Variants in MAGI1 observed in about 807,000 individuals in gnomAD.
MAGI1 encodes the protein membrane associated guanylate kinase, WW and PDZ domain containing 1, also known as membrane-associated guanylate kinase, WW and PDZ domain-containing protein 1.
A neutral mutation model predicts 139.9 loss-of-function variants in MAGI1; 58 were observed. The observed-to-expected ratio is 0.41, with a 90% confidence interval of 0.34 to 0.52. The LOEUF (loss-of-function observed/expected upper bound fraction) is 0.52. MAGI1 is among the 20% of genes least tolerant of loss of function. The pLI, the probability that MAGI1 is intolerant of heterozygous loss-of-function variation, is 0.12. For synonymous variants in MAGI1, 812 were observed against 737.9 expected (o/e 1.10, Z -1.63); for missense variants, 1,874 against 1,901.6 (o/e 0.99, Z 0.27).
chr3:65,470,509 G>GA, intron 4 of MAGI1, 25 bp from the exon 5 acceptor site: 2 of 1,371,840 alleles, frequency 1.5e-6, no homozygotes, highest in Admixed American at 2.3e-5. Context: ...GAAGAGGTGA[G>GA]AGAGAGAGAG....
intron 22 of MAGI1, chr3:65,359,347 G>A (rs568490726): frequency 6.6e-5 from 90 of 1,373,142 alleles, no homozygotes; most frequent in Admixed American, 6.4e-4. Flanking sequence ...TGCAGAGACC[G>A]CAATCGGAAC....
chr3:65,570,504 C>T (rs1191074549), intron 2 of MAGI1, among the ~76,000 whole-genome samples: 1 of 151,810 alleles, frequency 6.6e-6, no homozygotes, highest in East Asian at 1.9e-4. Flanking sequence ...AAAAGTTGCA[C>T]TAAAGTATAA....
intron 1 of MAGI1, among the ~76,000 whole-genome samples, chr3:65,842,646 C>T (rs975220999): frequency 1.3e-5 from 2 of 152,184 alleles, no homozygotes; most frequent in Admixed American, 1.3e-4. Flanking sequence ...CAAGCATGAG[C>T]CACTGCGCCC....
At chr3:65,597,802 C>A (rs533130177) in intron 2 of MAGI1, 1 of 456,614 alleles carries the variant, frequency 2.2e-6, no homozygotes, top group African/African-American at 2.0e-5. Context: ...GATCATGGAC[C>A]ACTTGTACTT....
At chr3:65,438,964 A>G (rs139632483) in intron 9 of MAGI1, among the ~76,000 whole-genome samples, 332 of 152,322 alleles carry the variant, frequency 2.2e-3, no homozygotes, top group Admixed American at 5.2e-3. Flanking sequence ...GCCAACCTGT[A>G]GTCTATGGTT....
At position 65,962,811 on chromosome 3, in the gene MAGI1, C is replaced by T. The variant is rs1252257036; in HGVS notation, c.313+75185G>A. On this transcript the variant is annotated intron_variant, in intron 1 of 22. Coordinates refer to ENST00000402939, the MANE Select transcript of MAGI1 (RefSeq NM_001033057.2). The stretch of plus-strand genomic sequence containing the variant: ...CTGTATTCCAGCCTGGGCAACAGAG[C>T]GAGACTCTGTCTCGGGGGGAAAAAA... Among the ~76,000 whole-genome samples the T allele has an allele frequency of 5.1e-5, 6 of 118,632 alleles. No homozygotes were observed. The East Asian group carries it at 1.2e-3, about 24-fold the overall frequency. 77.8% of individuals were successfully genotyped at this position (118,632 alleles called of 152,430 possible).
intron 1 of MAGI1, among the ~76,000 whole-genome samples, chr3:65,648,164 T>C (rs879006447): frequency 6.6e-6 from 1 of 152,154 alleles, no homozygotes. Context: ...TTTTTTTTTT[T>C]TCTTTTTTGA....
At chr3:65,477,711 A>ATTATTATTT (rs376492339) in intron 4 of MAGI1, among the ~76,000 whole-genome samples, 2,623 of 141,494 alleles carry the variant, frequency 0.019, 33 homozygotes, top group Non-Finnish European at 0.026. Context: ...TATTATTATT[A>ATTATTATTT]TTTTTTTTTT....
intron 2 of MAGI1, among the ~76,000 whole-genome samples, chr3:65,551,646 G>A (rs1022440467): frequency 2.6e-5 from 4 of 152,206 alleles, no homozygotes; most frequent in Non-Finnish European, 4.4e-5. Flanking sequence ...TTATAGCAGT[G>A]TGAAAATGGA....
At chr3:65,401,368 A>ACCCGG in intron 13 of MAGI1, 71 bp downstream of exon 13, 2 of 1,323,564 alleles carry the variant, frequency 1.5e-6, no homozygotes, top group Non-Finnish European at 1.1e-6. Context: ...CACACAGAGT[A>ACCCGG]CCCTCCCACC....
chr3:65,871,240 T>C (rs764867744), intron 1 of MAGI1, among the ~76,000 whole-genome samples: 2 of 152,118 alleles, frequency 1.3e-5, no homozygotes, highest in East Asian at 1.9e-4. Flanking sequence ...CCCAGCCTAA[T>C]AGTTATATTT....
At position 65,769,161 on chromosome 3, in the gene MAGI1, T is replaced by C. The variant is rs529333268; in HGVS notation, c.314-147073A>G. Among the ~76,000 whole-genome samples, 4 of 152,348 alleles carry C rather than the reference T, an allele frequency of 2.6e-5. No individual in the cohort carries two copies. The South Asian group carries it at 8.3e-4, about 32-fold the overall frequency. ...GAAAATATTCTTTAAAAGTTGTCGA[T>C]CTGTTTTTTTCTGATGACAAAAATA... On this transcript the variant is annotated intron_variant, in intron 1 of 22. Transcript: ENST00000402939.
intron 2 of MAGI1, among the ~76,000 whole-genome samples, chr3:65,552,568 T>C (rs1404869772): frequency 2.0e-5 from 3 of 152,108 alleles, no homozygotes; most frequent in African/African-American, 7.2e-5. Flanking sequence ...CTCAAGACTA[T>C]GGGTAAATGC....
At chr3:65,433,685 A>T (rs1321724717) in intron 10 of MAGI1, among the ~76,000 whole-genome samples, 3 of 151,900 alleles carry the variant, frequency 2.0e-5, no homozygotes, top group African/African-American at 4.8e-5. Flanking sequence ...TTTAAAATGT[A>T]CTCATTTTCA....
intron 1 of MAGI1, among the ~76,000 whole-genome samples, chr3:65,983,962 T>C (rs2065733800): frequency 1.3e-5 from 2 of 152,194 alleles, no homozygotes; most frequent in African/African-American, 4.8e-5. Flanking sequence ...CATGTTGTCA[T>C]ATTTTACTCA....
chr3:65,731,071 C>G (rs2034140198), intron 1 of MAGI1, among the ~76,000 whole-genome samples: 1 of 152,162 alleles, frequency 6.6e-6, no homozygotes, highest in Admixed American at 6.5e-5. Context: ...TGCAACAGGG[C>G]ATTTCTTCCA....
At chr3:65,687,997 T>A (rs1363394040) in intron 1 of MAGI1, 6 of 828,088 alleles carry the variant, frequency 7.2e-6, no homozygotes, top group Non-Finnish European at 1.2e-5. Flanking sequence ...GACTTGAGGG[T>A]TTCGTTTTCC....
chr3:65,897,568 T>C (rs768050909), intron 1 of MAGI1, among the ~76,000 whole-genome samples: 2 of 139,662 alleles, frequency 1.4e-5, no homozygotes, highest in Non-Finnish European at 3.4e-5. Context: ...TATACCTATG[T>C]AACAAACCTG....
At chr3:65,696,019 C>T (rs1358476310) in intron 1 of MAGI1, among the ~76,000 whole-genome samples, 1 of 152,200 alleles carries the variant, frequency 6.6e-6, no homozygotes, top group Non-Finnish European at 1.5e-5. Flanking sequence ...AACAGCTCCT[C>T]TTCTCACTCA....
Sources: allele counts gnomAD v4.1 joint callset (sites outside exome capture counted in the v4.1 genomes callset), GRCh38; gene constraint gnomAD v4.1.1; transcripts MANE v1.5; gene names NCBI Gene and HGNC (gene_info 2026-07-23, HGNC 2026-07-21).